BAIAP2L1: variants seen among roughly 807,000 people sequenced by gnomAD.
BAIAP2L1 encodes the protein BAR/IMD domain containing adaptor protein 2 like 1.
In BAIAP2L1, 35 loss-of-function variants were observed where a neutral mutation model predicts 66.3. The ratio of observed to expected loss-of-function variants is 0.53; its 90% confidence interval spans 0.40 to 0.70. The LOEUF is 0.70. Ranked by LOEUF, BAIAP2L1 falls within the 30% of genes least tolerant of loss-of-function variation. The probability of loss-of-function intolerance (pLI) is 0.00; values close to 1 mark genes in which losing one functional copy is unlikely to be tolerated. For missense variants in BAIAP2L1, 622 were observed against 656.9 expected (o/e 0.95, Z 0.58); for synonymous variants, 269 against 248.7 (o/e 1.08, Z -0.77).
intron 1 of BAIAP2L1, among the ~76,000 whole-genome samples, chr7:98,375,742 CAAAAAAA>C (rs372282399): frequency 6.8e-5 from 4 of 59,086 alleles, no homozygotes; most frequent in South Asian, 6.4e-4. Flanking sequence ...AAGTCCATCT[CAAAAAAA>C]AAAAAAAAAA....
intron 2 of BAIAP2L1, among the ~76,000 whole-genome samples, chr7:98,357,075 A>AG (rs1387124655): frequency 1.1e-5 from 1 of 89,866 alleles, no homozygotes. Context: ...TTTTAAGAGT[A>AG]GGGGTCTCAC....
chr7:98,376,542 T>C (rs538958905), intron 1 of BAIAP2L1, among the ~76,000 whole-genome samples: 73 of 149,204 alleles, frequency 4.9e-4, no homozygotes, highest in Middle Eastern at 3.6e-3. Flanking sequence ...ACCCATTGGC[T>C]GGGAGCGGTG....
At chr7:98,359,518 G>A (rs932971499) in intron 2 of BAIAP2L1, among the ~76,000 whole-genome samples, 1 of 152,066 alleles carries the variant, frequency 6.6e-6, no homozygotes, top group Admixed American at 6.6e-5. Flanking sequence ...TGATCCGCCC[G>A]CTTCGGCCTC....
At chr7:98,310,664 T>G in intron 8 of BAIAP2L1, 72 bp from the exon 9 acceptor site, 1 of 722,736 alleles carries the variant, frequency 1.4e-6, no homozygotes. Context: ...CCCAAGGCTG[T>G]TTTTTTTTTT....
rs117171948 is a variant in BAIAP2L1, at chr7:98,297,751, C to T, written c.1423-3640G>A. 1.4e-4 allele frequency among the ~76,000 whole-genome samples: 22 copies of T among 152,326 alleles called. 1 individual carries two copies. The East Asian group carries it at 3.1e-3, about 21-fold the overall frequency. On this transcript the variant is annotated intron_variant, in intron 12 of 13. Transcript: ENST00000005260. ...GGAAGCCGAGGCACCCATGTTGTGA[C>T]GCAAACGAAGATGCGTGCAGGCCTG...
rs1800047294 is a variant in BAIAP2L1, at chr7:98,293,320, A to C, written c.*201T>G. 1 of 529,220 alleles carries C rather than the reference A, an allele frequency of 1.9e-6. No homozygotes were observed. Among genetic ancestry groups the C allele is most frequent in the African/African-American group, 1.9e-5 (1 of 53,088 alleles). 32.8% of individuals were successfully genotyped at this position (529,220 alleles called of 1,614,324 possible). A position where few individuals can be genotyped will look rare whatever the true frequency, so the allele number is the denominator to read the frequency against. On this transcript the variant is annotated 3_prime_UTR_variant, in exon 14 of 14. Transcript: ENST00000005260. ...TTTAAATGGCTGAGCTGGTCATTAG[A>C]CTATTACTCATTTATCTTAAAGGCA... is the stretch of plus-strand genomic sequence containing the variant.
At chr7:98,400,717 G>C in intron 1 of BAIAP2L1, 85 bp downstream of exon 1, 2 of 1,462,072 alleles carry the variant, frequency 1.4e-6, no homozygotes, top group Non-Finnish European at 1.9e-6. Context: ...CTGGAGGGAG[G>C]GAAAGTACCT....
At position 98,344,673 on chromosome 7, in the gene BAIAP2L1, C is replaced by T. The variant is rs190747577; in HGVS notation, c.214+10369G>A. ...GAAGTAGGCTGGGCGTTGTGGCTCA[C>T]GCCTGTAATCCAGCACTTTGGGAGG... On this transcript the variant is annotated intron_variant, in intron 3 of 13. Transcript: ENST00000005260. Among the ~76,000 whole-genome samples, 648 of 152,270 alleles carry T rather than the reference C, an allele frequency of 4.3e-3. 13 individuals are homozygous for T. The highest frequency in any genetic ancestry group is 0.035 in the Admixed American group (535 of 15,278).
intron 12 of BAIAP2L1, among the ~76,000 whole-genome samples, chr7:98,300,283 C>A (rs927979450): frequency 1.3e-5 from 2 of 152,166 alleles, no homozygotes; most frequent in African/African-American, 4.8e-5. Context: ...CTGCTCCCGC[C>A]CTTGGAGCAG....
At chr7:98,302,617 A>G (rs1407503138) in intron 12 of BAIAP2L1, among the ~76,000 whole-genome samples, 3 of 152,090 alleles carry the variant, frequency 2.0e-5, no homozygotes, top group Non-Finnish European at 4.4e-5. Flanking sequence ...CAACAGCAAA[A>G]TCCAGATGGG....
chr7:98,362,233 A>T, intron 2 of BAIAP2L1, 124 bp downstream of exon 2: 1 of 717,196 alleles, frequency 1.4e-6, no homozygotes, highest in South Asian at 2.1e-5. Flanking sequence ...TCTGTAGATT[A>T]AATTCATTGT....
intron 10 of BAIAP2L1, 66 bp from the exon 11 acceptor site, chr7:98,306,582 A>G: frequency 6.2e-7 from 1 of 1,611,924 alleles, no homozygotes; most frequent in Non-Finnish European, 8.5e-7. Flanking sequence ...CTCCCTGAAC[A>G]ACCTGGTGAG....
intron 9 of BAIAP2L1, chr7:98,310,191 A>G: frequency 2.3e-6 from 1 of 430,402 alleles, no homozygotes. Context: ...CAGTATGTTT[A>G]CTCTGGATAA....
Position 98,292,728 on chromosome 7 carries a change from G to A in BAIAP2L1, c.*793C>T, listed in dbSNP as rs1800021160. ...GAAACCAGGACCCCGAGCAGTTTGA[G>A]TGTACTGGTAATGGATGCAGCTTTG... On this transcript the variant is annotated 3_prime_UTR_variant, in exon 14 of 14. Coordinates refer to ENST00000005260, the MANE Select transcript of BAIAP2L1 (RefSeq NM_018842.5). 6 of 1,551,508 alleles carry A rather than the reference G, an allele frequency of 3.9e-6. No individual in the cohort carries two copies. Among genetic ancestry groups the A allele is most frequent in the Admixed American group, 2.0e-5 (1 of 50,966 alleles).
At chr7:98,323,981 T>G (rs1272248439) in intron 3 of BAIAP2L1, among the ~76,000 whole-genome samples, 3 of 152,210 alleles carry the variant, frequency 2.0e-5, no homozygotes, top group Non-Finnish European at 4.4e-5. Flanking sequence ...TTGCTCTTAG[T>G]TCGGTAACCT....
intron 3 of BAIAP2L1, among the ~76,000 whole-genome samples, chr7:98,342,968 A>AT (rs1263126400): frequency 8.1e-4 from 123 of 152,126 alleles, no homozygotes; most frequent in African/African-American, 2.6e-3. Context: ...GTAATGAAGG[A>AT]TTAACCTTTA....
intron 1 of BAIAP2L1, among the ~76,000 whole-genome samples, chr7:98,383,556 G>A (rs1802813551): frequency 6.6e-6 from 1 of 151,860 alleles, no homozygotes; most frequent in South Asian, 2.1e-4. Flanking sequence ...CAAAGTGCTG[G>A]GATTACAGGC....
At chr7:98,313,241 T>C (rs1800941567) in intron 7 of BAIAP2L1, among the ~76,000 whole-genome samples, 1 of 152,014 alleles carries the variant, frequency 6.6e-6, no homozygotes, top group Non-Finnish European at 1.5e-5. Context: ...TGAGGCGCTT[T>C]AGCTGAATTA....
chr7:98,380,791 A>C, intron 1 of BAIAP2L1, among the ~76,000 whole-genome samples: 1 of 133,348 alleles, frequency 7.5e-6, no homozygotes, highest in Non-Finnish European at 1.6e-5. Flanking sequence ...CGCCACTACC[A>C]CCACCACCAT....
Sources: allele counts gnomAD v4.1 joint callset (sites outside exome capture counted in the v4.1 genomes callset), GRCh38; gene constraint gnomAD v4.1.1; transcripts MANE v1.5; gene names NCBI Gene and HGNC (gene_info 2026-07-23, HGNC 2026-07-21).